The following MROH2B variants were observed in gnomAD, a reference collection of about 807,000 sequenced individuals.
MROH2B encodes maestro heat like repeat family member 2B, also known as maestro heat-like repeat-containing protein family member 2B.
Under a neutral mutation model 208.6 loss-of-function variants are expected in MROH2B, and 177 were observed. That is an observed-to-expected ratio of 0.85 (90% CI 0.75 to 0.96). MROH2B has a LOEUF of 0.96. MROH2B is among the 40% of genes least tolerant of loss of function. The probability of loss-of-function intolerance (pLI) is 0.00; values close to 1 mark genes in which losing one functional copy is unlikely to be tolerated. For missense variants in MROH2B, 2,002 were observed against 1,878.7 expected (o/e 1.07, Z -1.21); for synonymous variants, 728 against 659.0 (o/e 1.10, Z -1.60).
rs1743975511 is a variant in MROH2B at position 41,071,027 on chromosome 5, G to C, written c.-175C>G. 3.3e-6 allele frequency: 2 copies of C among 611,260 alleles called. No homozygotes were observed. The highest frequency in any genetic ancestry group is 5.8e-6 in the Non-Finnish European group (2 of 347,750). 37.9% of individuals were successfully genotyped at this position (611,260 alleles called of 1,614,324 possible). Reference sequence around the variant, plus strand: ...AATGGTCTGGGAGCTTCCAGAGATGGGCTTGCTGTTGAAGTTGATACTGTA... The same window carrying C: ...AATGGTCTGGGAGCTTCCAGAGATGCGCTTGCTGTTGAAGTTGATACTGTA... On this transcript the variant is annotated 5_prime_UTR_variant, in exon 1 of 42. Transcript: ENST00000399564.
chr5:41,048,220 T>C, intron 16 of MROH2B, 104 bp downstream of exon 16: 1 of 1,367,380 alleles, frequency 7.3e-7, no homozygotes, highest in Non-Finnish European at 9.7e-7. Flanking sequence ...GTTCATCATT[T>C]TTATTGCCTA....
In MROH2B at chr5:41,004,303, C is replaced by A; in HGVS notation, c.4194+43G>T. 2.5e-6 allele frequency: 4 copies of A among 1,586,780 alleles called. No homozygotes were observed. The South Asian group carries it at 3.5e-5, about 14-fold the overall frequency. On this transcript the variant is annotated intron_variant, in intron 37 of 41. Coordinates refer to ENST00000399564, the MANE Select transcript of MROH2B (RefSeq NM_173489.5). ...AGCACTACCTAAACCTGTTTCTGTT[C>A]ACTCACTTCTGGGGAGGGAAGTTCC...
chr5:41,014,616 T>C (rs1017101615), intron 29 of MROH2B, among the ~76,000 whole-genome samples: 1 of 152,154 alleles, frequency 6.6e-6, no homozygotes, highest in African/African-American at 2.4e-5. Context: ...AAAAACCAAG[T>C]TCCTTAAAAA....
At chr5:41,018,266 T>G in intron 27 of MROH2B, 75 bp downstream of exon 27, 1 of 1,428,898 alleles carries the variant, frequency 7.0e-7, no homozygotes, top group Non-Finnish European at 9.6e-7. Flanking sequence ...ATGCAGGAGT[T>G]TTGGATTCCA....
At chr5:41,040,887 G>A (rs747997439) in intron 19 of MROH2B, among the ~76,000 whole-genome samples, 3 of 151,946 alleles carry the variant, frequency 2.0e-5, no homozygotes, top group African/African-American at 4.8e-5. Context: ...GACTGGTCTC[G>A]AACTCCTGAC....
intron 39 of MROH2B, 84 bp from the exon 40 acceptor site, chr5:40,999,863 T>C: frequency 8.1e-7 from 1 of 1,238,548 alleles, no homozygotes; most frequent in Non-Finnish European, 1.1e-6. Flanking sequence ...TCAGAACGGA[T>C]TTGTAAAGGC....
chr5:41,006,163 A>G (rs1414834162), intron 34 of MROH2B, among the ~76,000 whole-genome samples: 1 of 152,184 alleles, frequency 6.6e-6, no homozygotes, highest in African/African-American at 2.4e-5. Flanking sequence ...TCCCATCAAA[A>G]AGCAGGCTAA....
chr5:41,006,940 A>G (rs1002289151), intron 34 of MROH2B, among the ~76,000 whole-genome samples: 6 of 152,282 alleles, frequency 3.9e-5, no homozygotes, highest in Middle Eastern at 3.4e-3. Flanking sequence ...TAAAGAACTT[A>G]TTCATGTAAT....
At chr5:41,030,323 T>C (rs1742521192) in intron 24 of MROH2B, among the ~76,000 whole-genome samples, 1 of 151,804 alleles carries the variant, frequency 6.6e-6, no homozygotes, top group Admixed American at 6.6e-5. Context: ...CAAAAATCAA[T>C]ATATACAAAT....
intron 24 of MROH2B, among the ~76,000 whole-genome samples, chr5:41,027,736 G>C (rs1477617507): frequency 3.9e-5 from 6 of 152,220 alleles, no homozygotes; most frequent in Admixed American, 1.3e-4. Flanking sequence ...GACACATGCA[G>C]ACGTATGTTT....
intron 17 of MROH2B, 63 bp downstream of exon 17, chr5:41,047,658 A>G (rs1240446349): frequency 7.1e-7 from 1 of 1,415,428 alleles, no homozygotes; most frequent in South Asian, 1.3e-5. Context: ...TTAATTTAGG[A>G]TGGGTAACTT....
At chr5:41,005,417 C>CAA in intron 35 of MROH2B, 114 bp downstream of exon 35, 1 of 194,542 alleles carries the variant, frequency 5.1e-6, no homozygotes, top group Non-Finnish European at 1.1e-5. Flanking sequence ...TATGAAACCC[C>CAA]CCCCCCCCTT....
rs752079817 is a variant in MROH2B at position 41,052,546 on chromosome 5, T to C, written c.1149A>G (p.Glu383=). Residue 383 remains glutamate (E), a synonymous_variant, in exon 12 of 42, where the codon GAA becomes GAG. Transcript: ENST00000399564. ...SVLLLIQTMC[E]KSYIEAREGW... ...CTTCCCGAGCTTCAATATAGGACTT[T>C]TCACACATGGTTTGGATGAGGAGAA... 6.2e-7 allele frequency: 1 copy of C among 1,612,190 alleles called. No homozygotes were observed. The highest frequency in any genetic ancestry group is 1.1e-5 in the South Asian group (1 of 90,800).
intron 24 of MROH2B, among the ~76,000 whole-genome samples, chr5:41,019,358 AAGAG>A (rs1232025034): frequency 5.6e-5 from 8 of 143,772 alleles, no homozygotes; most frequent in African/African-American, 1.0e-4. Flanking sequence ...GAGAGTGAGA[AAGAG>A]AGAGAGAGAG....
intron 5 of MROH2B, among the ~76,000 whole-genome samples, chr5:41,062,791 G>T (rs927927585): frequency 1.3e-5 from 2 of 152,074 alleles, no homozygotes; most frequent in African/African-American, 4.8e-5. Context: ...ATTTCTTTAA[G>T]AATCTCTTAC....
At chr5:41,057,066 T>C in intron 9 of MROH2B, 43 bp downstream of exon 9, 1 of 1,592,588 alleles carries the variant, frequency 6.3e-7, no homozygotes, top group Non-Finnish European at 8.6e-7. Flanking sequence ...TCATCATCAC[T>C]TGGGGACATT....
chr5:41,003,661 T>C (rs1053481366), intron 37 of MROH2B, among the ~76,000 whole-genome samples: 2 of 152,104 alleles, frequency 1.3e-5, no homozygotes, highest in Admixed American at 1.3e-4. Flanking sequence ...GTAAGGTAAA[T>C]AGGTAATCAA....
At chr5:41,065,975 GTAAT>G (rs1743801229) in intron 3 of MROH2B, among the ~76,000 whole-genome samples, 1 of 152,184 alleles carries the variant, frequency 6.6e-6, no homozygotes, top group Non-Finnish European at 1.5e-5. Flanking sequence ...GAAAGCAGAG[GTAAT>G]TAGAGTGAAT....
intron 18 of MROH2B, among the ~76,000 whole-genome samples, chr5:41,043,285 A>C (rs532867904): frequency 1.3e-5 from 2 of 152,340 alleles, no homozygotes; most frequent in South Asian, 4.1e-4. Flanking sequence ...CAGAGTGAGA[A>C]TCTGACCAGG....
Sources: allele counts gnomAD v4.1 joint callset (sites outside exome capture counted in the v4.1 genomes callset), GRCh38; gene constraint gnomAD v4.1.1; transcripts MANE v1.5; gene names NCBI Gene and HGNC (gene_info 2026-07-23, HGNC 2026-07-21).